Variants in DOP1B observed in about 807,000 individuals in gnomAD.
DOP1B encodes DOP1 leucine zipper like protein B.
DOP1B carries 174 observed loss-of-function variants against 233.5 expected under a neutral mutation model. The ratio of observed to expected loss-of-function variants is 0.75; its 90% CI spans 0.66 to 0.85. DOP1B has a LOEUF of 0.85. Ranked by LOEUF, DOP1B falls within the 40% of genes least tolerant of loss-of-function variation. The pLI, the probability that DOP1B is intolerant of heterozygous loss-of-function variation, is 0.00. For synonymous variants in DOP1B, 1,190 were observed against 1,185.6 expected (o/e 1.00, Z -0.08); for missense variants, 2,652 against 2,846.6 (o/e 0.93, Z 1.56).
chr21:36,253,745 T>A, intron 22 of DOP1B, 27 bp from the exon 23 acceptor site: 1 of 1,608,490 alleles, frequency 6.2e-7, no homozygotes, highest in Non-Finnish European at 8.5e-7. Flanking sequence ...CTATAAGCTT[T>A]CAAGGAACTT....
rs140230955 is a variant in DOP1B at position 36,200,370 on chromosome 21, G to T, written c.360G>T (p.Ser120=). Reference sequence around the variant, plus strand: ...CTCTCCTGGCACACGCGGCGGTGTCGGTGAGGCCGGTGCTGCTCACCCTGT... The same window carrying T: ...CTCTCCTGGCACACGCGGCGGTGTCTGTGAGGCCGGTGCTGCTCACCCTGT... ...LFPLLAHAAV[S]VRPVLLTLYE... The change falls in exon 4 of 37, where the codon TCG becomes TCT. Residue 120 remains serine (S), a synonymous_variant. Transcript: ENST00000691173. 2 of 1,610,208 alleles carry T rather than the reference G, an allele frequency of 1.2e-6. No individual in the cohort carries two copies. The highest frequency in any genetic ancestry group is 2.7e-5 in the African/African-American group (2 of 74,860).
At chr21:36,197,808 G>A (rs755761206) in intron 2 of DOP1B, among the ~76,000 whole-genome samples, 3 of 151,978 alleles carry the variant, frequency 2.0e-5, no homozygotes, top group Non-Finnish European at 4.4e-5. Flanking sequence ...TCAGGAGTTC[G>A]AGACCAGTCT....
Position 36,288,779 on chromosome 21 carries a change from A to G in DOP1B, c.6321A>G (p.Glu2107=). Residue 2107 remains glutamate (E), a synonymous_variant, in exon 34 of 37, where the codon GAA becomes GAG. Transcript: ENST00000691173. The part of the protein sequence containing the change: ...SELIQTFTQL[E]EDLKDEDESL... The stretch of plus-strand genomic sequence containing the variant: ...AGATTCAGACATTCACACAGCTTGA[A>G]GAAGATCTAAAAGATGAAGATGAGT... 1.9e-6 allele frequency: 3 copies of G among 1,613,730 alleles called. No individual in the cohort carries two copies. Among genetic ancestry groups the G allele is most frequent in the South Asian group, 2.2e-5 (2 of 91,058 alleles).
intron 5 of DOP1B, 73 bp from the exon 6 acceptor site, chr21:36,211,480 G>A (rs1383965233): frequency 1.1e-5 from 15 of 1,383,732 alleles, no homozygotes; most frequent in Admixed American, 5.1e-5. Flanking sequence ...CAAGATTCCC[G>A]GGAAAGGTTA....
intron 2 of DOP1B, among the ~76,000 whole-genome samples, chr21:36,188,496 G>A (rs866834284): frequency 2.6e-5 from 4 of 151,832 alleles, no homozygotes; most frequent in Middle Eastern, 3.4e-3. Context: ...TTCCATTTTC[G>A]TCCTGTCTAA....
At chr21:36,215,206 G>T (rs1164315663) in intron 9 of DOP1B, among the ~76,000 whole-genome samples, 1 of 152,004 alleles carries the variant, frequency 6.6e-6, no homozygotes, top group Non-Finnish European at 1.5e-5. Context: ...AGGGGACCCC[G>T]TCCATCTTTT....
intron 2 of DOP1B, among the ~76,000 whole-genome samples, chr21:36,188,838 A>T (rs1447010704): frequency 1.3e-5 from 2 of 152,236 alleles, no homozygotes; most frequent in African/African-American, 2.4e-5. Flanking sequence ...GGAAACATTT[A>T]ACATTTTTAT....
Position 36,214,481 on chromosome 21 carries a change from G to A in DOP1B, c.1054G>A (p.Asp352Asn). Residue 352 changes from aspartate to asparagine, a missense_variant, in exon 9 of 37, where the codon GAC (aspartate) becomes AAC (asparagine). Coordinates refer to ENST00000691173, the MANE Select transcript of DOP1B (RefSeq NM_001320714.2). ...ATTGCATCAGAAGTTCATAGATGCT[G>A]ACGTGGAGGAACGCCATCATGCATA... ...EILHQKFIDA[D>N]VEERHHAYLK... 6.2e-7 allele frequency: 1 copy of A among 1,613,810 alleles called. No homozygotes were observed. The highest frequency in any genetic ancestry group is 2.2e-5 in the East Asian group (1 of 44,882).
Position 36,199,106 on chromosome 21 carries a change from A to G in DOP1B, c.175A>G (p.Arg59Gly). 1 of 1,614,028 alleles carries G rather than the reference A, an allele frequency of 6.2e-7. No homozygotes were observed. The highest frequency in any genetic ancestry group is 8.5e-7 in the Non-Finnish European group (1 of 1,179,990). ...QSNLRYSLLPRRLLISKRLAQ... is the reference protein window; with the variant it reads ...QSNLRYSLLPGRLLISKRLAQ... ...TAACCTGAGGTACTCCTTGTTGCCA[A>G]GACGGCTCCTCATCAGCAAAAGATT... The change falls in exon 3 of 37, where the codon AGA becomes GGA. Residue 59 changes from arginine to glycine, a missense_variant. Coordinates refer to ENST00000691173, the MANE Select transcript of DOP1B (RefSeq NM_001320714.2).
At chr21:36,192,481 G>A (rs1234263177) in intron 2 of DOP1B, among the ~76,000 whole-genome samples, 1 of 150,248 alleles carries the variant, frequency 6.7e-6, no homozygotes, top group African/African-American at 2.5e-5. Context: ...CTGGGCTCTG[G>A]TGATCCTCCC....
rs780147206 is a variant in DOP1B, at chr21:36,245,140, C to T, written c.3160C>T (p.Leu1054=). 6.2e-7 allele frequency: 1 copy of T among 1,614,038 alleles called. No homozygotes were observed. Among genetic ancestry groups the T allele is most frequent in the Non-Finnish European group, 8.5e-7 (1 of 1,180,030 alleles). ...TCAGGAGAGCGGCTCTGAAGAGCAC[C>T]TGCCTCTGAGCCAGTTCACCACAGT... is the stretch of plus-strand genomic sequence containing the variant. The part of the protein sequence containing the change: ...EPQESGSEEH[L]PLSQFTTVDR... Residue 1054 remains leucine, a synonymous_variant, in exon 19 of 37, where the codon CTG becomes TTG. Coordinates refer to ENST00000691173, the MANE Select transcript of DOP1B (RefSeq NM_001320714.2). This position sits in a 1 kb window ranked among gnomAD's most constrained non-coding sequence, Gnocchi z 5.5.
intron 15 of DOP1B, among the ~76,000 whole-genome samples, chr21:36,235,442 C>T (rs940364812): frequency 7.2e-5 from 11 of 151,860 alleles, no homozygotes; most frequent in South Asian, 2.1e-4. Flanking sequence ...AAGGAAGGCC[C>T]GGCTCGGTGG....
At chr21:36,250,133 T>C (rs989267859) in intron 21 of DOP1B, among the ~76,000 whole-genome samples, 9 of 152,096 alleles carry the variant, frequency 5.9e-5, no homozygotes, top group African/African-American at 2.2e-4. Context: ...TAGCCCTCCC[T>C]GAGGAACCCA....
In DOP1B at chr21:36,223,295, C is replaced by G; in HGVS notation, c.1315C>G (p.Leu439Val). Residue 439 changes from leucine to valine, a missense_variant, in exon 11 of 37, where the codon CTA (leucine) becomes GTA (valine). Around this residue, in one of 3 missense-constraint regions of DOP1B, gnomAD observed 2,617 missense variants for 2,794.3 expected, o/e 0.94. Transcript: ENST00000691173. ...VKTVNLLITSLSTDFLWDYMT... is the reference protein window; with the variant it reads ...VKTVNLLITSVSTDFLWDYMT... Reference sequence around the variant, plus strand: ...AACGGTAAATTTGCTGATAACTTCTCTAAGCACAGACTTTCTCTGGGATTA... The same window carrying G: ...AACGGTAAATTTGCTGATAACTTCTGTAAGCACAGACTTTCTCTGGGATTA... 6.2e-7 allele frequency: 1 copy of G among 1,610,842 alleles called. No individual in the cohort carries two copies.
chr21:36,195,658 G>A (rs1483003517), intron 2 of DOP1B, among the ~76,000 whole-genome samples: 1 of 152,182 alleles, frequency 6.6e-6, no homozygotes, highest in Admixed American at 6.5e-5. Flanking sequence ...TAAATGAAGT[G>A]AGGTAACACA....
chr21:36,189,924 C>T (rs1367698997), intron 2 of DOP1B, among the ~76,000 whole-genome samples: 4 of 149,972 alleles, frequency 2.7e-5, no homozygotes, highest in East Asian at 3.9e-4. Flanking sequence ...GCAGGAGAAT[C>T]GCTGGAACCT....
intron 23 of DOP1B, among the ~76,000 whole-genome samples, chr21:36,257,114 G>T (rs989083904): frequency 6.6e-6 from 1 of 152,090 alleles, no homozygotes; most frequent in Non-Finnish European, 1.5e-5. Context: ...CCAGAAACAC[G>T]TTTACTGGTT....
In DOP1B at chr21:36,260,668, C is replaced by G. The variant is rs533942673; in HGVS notation, c.5260-9C>G. 6 of 1,613,714 alleles carry G rather than the reference C, an allele frequency of 3.7e-6. No homozygotes were observed. In the South Asian group the frequency reaches 5.5e-5, roughly 15 times the overall value. ...AACTCGGAGTAATTGGTTTTACTTT[C>G]ATTTTCAGAAATCGCCCCTAGTGGA... On this transcript the variant is annotated splice_polypyrimidine_tract_variant and intron_variant, in intron 23 of 36. Coordinates refer to ENST00000691173, the MANE Select transcript of DOP1B (RefSeq NM_001320714.2).
At chr21:36,272,022 C>T (rs1169892295) in intron 27 of DOP1B, among the ~76,000 whole-genome samples, 1 of 150,458 alleles carries the variant, frequency 6.6e-6, no homozygotes, top group Non-Finnish European at 1.5e-5. Context: ...CAGGGAAGGA[C>T]AGTATGCCCA....
Sources: allele counts gnomAD v4.1 joint callset (sites outside exome capture counted in the v4.1 genomes callset), GRCh38; gene constraint gnomAD v4.1.1; regional missense constraint gnomAD v4.1.1; non-coding constraint Gnocchi (gnomAD v3.1); transcripts MANE v1.5; gene names NCBI Gene and HGNC (gene_info 2026-07-23, HGNC 2026-07-21).